The following PLEKHG6 variants were observed in gnomAD, a reference collection of about 807,000 sequenced individuals.
PLEKHG6 encodes pleckstrin homology and RhoGEF domain containing G6.
In PLEKHG6, 91 loss-of-function variants were observed where a neutral mutation model predicts 97.5. The ratio of observed to expected loss-of-function variants is 0.93; its 90% CI spans 0.79 to 1.11. The LOEUF (loss-of-function observed/expected upper bound fraction) is 1.11. PLEKHG6 is among the 50% of genes most tolerant of loss of function. The pLI, the probability that PLEKHG6 is intolerant of heterozygous loss-of-function variation, is 0.00. For missense variants in PLEKHG6, 1,044 were observed against 1,031.0 expected, an observed-to-expected ratio of 1.01 and a Z score of -0.17; for synonymous variants, 466 against 425.5, an observed-to-expected ratio of 1.10 and a Z score of -1.17.
In PLEKHG6 at chr12:6,312,213, C is replaced by T. The variant is rs115425082; in HGVS notation, c.-14C>T. 2.5e-3 allele frequency: 3,649 copies of T among 1,481,750 alleles called. 75 individuals are homozygous for T. The African/African-American group carries it at 0.042, about 17-fold the overall frequency. The allele number at this position is 1,481,750 out of a possible 1,614,324, so 91.8% of individuals were successfully genotyped here. ...GAAGATATGGCCCTTTGGAGGTGACCCAGGAGAGAAGGGATGAAGGCCTTT... is the reference window on the plus strand; with the variant it reads ...GAAGATATGGCCCTTTGGAGGTGACTCAGGAGAGAAGGGATGAAGGCCTTT... On this transcript the variant is annotated 5_prime_UTR_variant, in exon 2 of 16. Transcript: ENST00000684764.
At chr12:6,317,802 G>C (rs1190548258) in intron 9 of PLEKHG6, 55 bp from the exon 10 acceptor site, 2 of 1,542,086 alleles carry the variant, frequency 1.3e-6, no homozygotes, top group Non-Finnish European at 1.8e-6. Context: ...GGCTGGCATT[G>C]GTTGGGAGGG....
At chr12:6,319,226 T>C in intron 13 of PLEKHG6, 118 bp downstream of exon 13, 1 of 679,852 alleles carries the variant, frequency 1.5e-6, no homozygotes, top group Non-Finnish European at 2.5e-6. Flanking sequence ...GGCAGGTGGA[T>C]CACCTGAGGT....
chr12:6,327,478 G>T lies in PLEKHG6; in HGVS notation c.1895G>T (p.Arg632Leu), dbSNP rs754002278. The T allele has an allele frequency of 2.8e-5, 45 of 1,610,140 alleles. No homozygotes were observed. Among genetic ancestry groups the T allele is most frequent in the Non-Finnish European group, 3.6e-5 (42 of 1,177,262 alleles). Residue 632 changes from arginine to leucine, a missense_variant, in exon 15 of 16, where the codon CGT becomes CTT. Transcript: ENST00000684764. ...STLELRDIPL[R>L]PHPPDPQAPQ... ...CTGGAACTCCGGGACATCCCTCTGC[G>T]TCCCCACCCTCCCGACCCCCAAGCT...
At chr12:6,313,578 G>A in intron 2 of PLEKHG6, 51 bp from the exon 3 acceptor site, 1 of 1,605,346 alleles carries the variant, frequency 6.2e-7, no homozygotes, top group Non-Finnish European at 8.5e-7. Flanking sequence ...CCTCTCTGGG[G>A]TTTCTGGGGA....
Position 6,316,084 on chromosome 12 carries a change from C to T in PLEKHG6, c.606+165C>T, listed in dbSNP as rs1173574048. ...CTGGGGACTCCAAGCAGGCCACAGG[C>T]CCCCCATTTCTCAGACTGACATCCT... On this transcript the variant is annotated intron_variant, in intron 6 of 15. Transcript: ENST00000684764. The surrounding 1 kb of genome is among the most constrained non-coding windows in gnomAD (Gnocchi z 4.1). 6.6e-6 allele frequency among the ~76,000 whole-genome samples: 1 copy of T among 152,184 alleles called. No homozygotes were observed. Among genetic ancestry groups the T allele is most frequent in the Non-Finnish European group, 1.5e-5 (1 of 68,020 alleles).
rs756660210 is a variant in PLEKHG6 at position 6,312,209 on chromosome 12, T to C, written c.-18T>C. Reference sequence around the variant, plus strand: ...CATTGAAGATATGGCCCTTTGGAGGTGACCCAGGAGAGAAGGGATGAAGGC... The same window carrying C: ...CATTGAAGATATGGCCCTTTGGAGGCGACCCAGGAGAGAAGGGATGAAGGC... On this transcript the variant is annotated 5_prime_UTR_variant, in exon 2 of 16. The change abolishes the stop of an existing upstream ORF in the 5' untranslated region. Coordinates refer to ENST00000684764, the MANE Select transcript of PLEKHG6 (RefSeq NM_001384598.1). 1.9e-5 allele frequency: 28 copies of C among 1,465,484 alleles called. No homozygotes were observed. The highest frequency in any genetic ancestry group is 2.1e-5 in the Non-Finnish European group (23 of 1,112,460). 90.8% of individuals were successfully genotyped at this position (1,465,484 alleles called of 1,614,324 possible).
chr12:6,311,556 A>C (rs1346351661), intron 1 of PLEKHG6, among the ~76,000 whole-genome samples: 2 of 152,258 alleles, frequency 1.3e-5, no homozygotes, highest in East Asian at 3.8e-4. Context: ...GGATTCCAAC[A>C]AAACTGTGTT....
rs892297514 is a variant in PLEKHG6 at position 6,312,641 on chromosome 12, G to A, written c.138+277G>A. On this transcript the variant is annotated intron_variant, in intron 2 of 15. Coordinates refer to ENST00000684764, the MANE Select transcript of PLEKHG6 (RefSeq NM_001384598.1). Reference sequence around the variant, plus strand: ...AGACAGGTCTCAGACAAAGAGCTGCGGGTAAGGTCATCAAACCCCAGAGCT... The same window carrying A: ...AGACAGGTCTCAGACAAAGAGCTGCAGGTAAGGTCATCAAACCCCAGAGCT... 13 of 1,246,886 alleles carry A rather than the reference G, an allele frequency of 1.0e-5. No individual in the cohort carries two copies. The South Asian group carries it at 2.2e-4, about 21-fold the overall frequency. The allele number at this position is 1,246,886 out of a possible 1,614,324, so 77.2% of individuals were successfully genotyped here.
In PLEKHG6 at chr12:6,312,604, A is replaced by G. The variant is rs1947312983; in HGVS notation, c.138+240A>G. On this transcript the variant is annotated intron_variant, in intron 2 of 15. Transcript: ENST00000684764. Reference sequence around the variant, plus strand: ...GAGCCAGGAGAAGCCAGGCCCTCCGAGGAGTGCTGTTAGACAGGTCTCAGA... The same window carrying G: ...GAGCCAGGAGAAGCCAGGCCCTCCGGGGAGTGCTGTTAGACAGGTCTCAGA... 4 of 1,306,546 alleles carry G rather than the reference A, an allele frequency of 3.1e-6. No homozygotes were observed. In the South Asian group the frequency reaches 6.2e-5, roughly 20 times the overall value. 80.9% of individuals were successfully genotyped at this position (1,306,546 alleles called of 1,614,324 possible). A position where few individuals can be genotyped will look rare whatever the true frequency, so the allele number is the denominator to read the frequency against.
At chr12:6,320,720 GAT>G (rs1341845731) in intron 13 of PLEKHG6, among the ~76,000 whole-genome samples, 1 of 152,198 alleles carries the variant, frequency 6.6e-6, no homozygotes, top group East Asian at 1.9e-4. Flanking sequence ...GTAGGACTTA[GAT>G]ATATCTATCT....
intron 2 of PLEKHG6, 24 bp downstream of exon 2, chr12:6,312,388 A>T (rs1490336425): frequency 6.4e-7 from 1 of 1,560,800 alleles, no homozygotes; most frequent in Admixed American, 2.0e-5. Flanking sequence ...GTGCCCCAAA[A>T]GTGACCTGGT....
intron 13 of PLEKHG6, among the ~76,000 whole-genome samples, chr12:6,323,815 C>T (rs929546337): frequency 6.6e-6 from 1 of 152,204 alleles, no homozygotes; most frequent in Non-Finnish European, 1.5e-5. Flanking sequence ...AAATGTTTGC[C>T]GTTGTCATCA....
Position 6,315,714 on chromosome 12 carries a change from T to G in PLEKHG6, c.555+65T>G. The G allele has an allele frequency of 7.9e-7, 1 of 1,264,118 alleles. No individual in the cohort carries two copies. Among genetic ancestry groups the G allele is most frequent in the Non-Finnish European group, 1.1e-6 (1 of 898,808 alleles). The allele number at this position is 1,264,118 out of a possible 1,614,324, so 78.3% of individuals were successfully genotyped here. On this transcript the variant is annotated intron_variant, in intron 5 of 15. Coordinates refer to ENST00000684764, the MANE Select transcript of PLEKHG6 (RefSeq NM_001384598.1). This position sits in a 1 kb window ranked among gnomAD's most constrained non-coding sequence, Gnocchi z 4.5. ...TGCATGAGCCCCCATCCTCCCAGACTGGAAGGCAGGTCACTGGGGGAGGGA... is the reference window on the plus strand; with the variant it reads ...TGCATGAGCCCCCATCCTCCCAGACGGGAAGGCAGGTCACTGGGGGAGGGA...
At chr12:6,313,918 C>T in intron 3 of PLEKHG6, 134 bp downstream of exon 3, 1 of 737,416 alleles carries the variant, frequency 1.4e-6, no homozygotes, top group Non-Finnish European at 2.1e-6. Flanking sequence ...CATGGCTCTG[C>T]CTAGGACCTC....
In PLEKHG6 at chr12:6,328,428, C is replaced by A; in HGVS notation, c.*283C>A. 2.4e-6 allele frequency: 1 copy of A among 408,860 alleles called. No homozygotes were observed. The highest frequency in any genetic ancestry group is 3.9e-5 in the South Asian group (1 of 25,924). 25.3% of individuals were successfully genotyped at this position (408,860 alleles called of 1,614,324 possible). A position where few individuals can be genotyped will look rare whatever the true frequency, so the allele number is the denominator to read the frequency against. ...CTTTGGGAGGCTGAGGTGGGAGGAT[C>A]CCTTGAGCCCAGGAGTTCCAGACCA... is the stretch of plus-strand genomic sequence containing the variant. On this transcript the variant is annotated 3_prime_UTR_variant, in exon 16 of 16. Coordinates refer to ENST00000684764, the MANE Select transcript of PLEKHG6 (RefSeq NM_001384598.1).
rs761997165 is a variant in PLEKHG6 at position 6,315,898 on chromosome 12, G to A, written c.585G>A (p.Gln195=). 1.3e-6 allele frequency: 2 copies of A among 1,580,070 alleles called. No individual in the cohort carries two copies. Among genetic ancestry groups the A allele is most frequent in the South Asian group, 1.2e-5 (1 of 86,092 alleles). The change falls in exon 6 of 16, where the codon CAG becomes CAA. Residue 195 remains glutamine, a synonymous_variant. Transcript: ENST00000684764. This position sits in a 1 kb window ranked among gnomAD's most constrained non-coding sequence, Gnocchi z 4.5. ...TAGCCGCCGGCCTGCTGAACCTGCA[G>A]CGAGTGGGACTGCTGATGGAAGTGA... ...DLLAAGLLNL[Q]RVGLLMEVSA...
chr12:6,315,543 C>T lies in PLEKHG6; in HGVS notation c.460-11C>T, dbSNP rs1166915308. On this transcript the variant is annotated splice_polypyrimidine_tract_variant and intron_variant, in intron 4 of 15. Transcript: ENST00000684764. The surrounding 1 kb of genome is among the most constrained non-coding windows in gnomAD (Gnocchi z 4.5). ...CATTCCCCAACTGAACCAGCATTCTCCCCACCCCAGGAGATGAGCCAGGAG... is the reference window on the plus strand; with the variant it reads ...CATTCCCCAACTGAACCAGCATTCTTCCCACCCCAGGAGATGAGCCAGGAG... 4.6e-6 allele frequency: 7 copies of T among 1,512,130 alleles called. No homozygotes were observed. Among genetic ancestry groups the T allele is most frequent in the South Asian group, 1.2e-5 (1 of 80,314 alleles). 93.7% of individuals were successfully genotyped at this position (1,512,130 alleles called of 1,614,324 possible).
chr12:6,318,512 G>A (rs1947573901), intron 11 of PLEKHG6, 92 bp downstream of exon 11: 1 of 1,449,170 alleles, frequency 6.9e-7, no homozygotes, highest in Admixed American at 2.3e-5. Flanking sequence ...AGGGGTTTGG[G>A]GAAGAGGATG....
upstream of PLEKHG6, chr12:6,310,450 G>C (rs547230717): frequency 6.6e-6 from 1 of 152,468 alleles, no homozygotes; most frequent in East Asian, 1.9e-4. Context: ...CCTCGCGGGG[G>C]TCTGGCCCGG....
Sources: gnomAD v4.1 joint callset for allele counts (sites outside exome capture counted in the v4.1 genomes callset) on GRCh38, gnomAD v4.1.1 for gene constraint, Gnocchi (gnomAD v3.1) non-coding constraint, MANE v1.5 for transcripts, NCBI Gene and HGNC (gene_info 2026-07-23, HGNC 2026-07-21) for gene names.